The following CLDN10 variants were observed in gnomAD, a reference collection of about 807,000 sequenced individuals.
CLDN10 encodes claudin-10.
Under a neutral mutation model 22.9 loss-of-function variants are expected in CLDN10, and 15 were observed. The observed-to-expected ratio is 0.65, with a 90% CI of 0.44 to 1.01. CLDN10 has a LOEUF of 1.01. Among genes scored for constraint, CLDN10 ranks in the 50% least tolerant of loss-of-function variants. The pLI, the probability that CLDN10 is intolerant of heterozygous loss-of-function variation, is 0.00. For synonymous variants in CLDN10, 114 were observed against 111.4 expected (o/e 1.02, Z -0.15); for missense variants, 247 against 287.8 (o/e 0.86, Z 1.03).
At chr13:95,569,917 C>T (rs575960759) in intron 3 of CLDN10, among the ~76,000 whole-genome samples, 6 of 152,150 alleles carry the variant, frequency 3.9e-5, no homozygotes, top group Middle Eastern at 3.4e-3. Context: ...TACAGGCGCC[C>T]GCCACCGCGC....
At chr13:95,548,272 C>A (rs151086072), upstream of CLDN10, among the ~76,000 whole-genome samples, 5 of 152,300 alleles carry the variant, frequency 3.3e-5, no homozygotes, top group East Asian at 9.6e-4. Context: ...GGGCCCAAAC[C>A]TTACCCCTCC....
chr13:95,561,216 G>A (rs753119870), intron 3 of CLDN10, among the ~76,000 whole-genome samples: 4 of 152,094 alleles, frequency 2.6e-5, no homozygotes, highest in Non-Finnish European at 4.4e-5. Context: ...CCTCACGTAC[G>A]TGTGTGTGTA....
At chr13:95,468,669 T>A (rs1443871971) in intron 1 of CLDN10, among the ~76,000 whole-genome samples, 2 of 151,942 alleles carry the variant, frequency 1.3e-5, no homozygotes, top group Admixed American at 1.3e-4. Flanking sequence ...GAGGTTTCAG[T>A]GAGCCAAGAT....
intron 1 of CLDN10, among the ~76,000 whole-genome samples, chr13:95,461,426 C>A (rs1460339189): frequency 6.6e-6 from 1 of 152,168 alleles, no homozygotes; most frequent in African/African-American, 2.4e-5. Flanking sequence ...AGTCACTTTA[C>A]CTTTTTCCTT....
At chr13:95,490,621 C>T (rs188724586) in intron 1 of CLDN10, among the ~76,000 whole-genome samples, 2 of 152,254 alleles carry the variant, frequency 1.3e-5, no homozygotes, top group Admixed American at 1.3e-4. Context: ...TCCACTATGG[C>T]CTGACAGAGT....
At chr13:95,494,869 T>G (rs1465012676) in intron 1 of CLDN10, among the ~76,000 whole-genome samples, 1 of 152,090 alleles carries the variant, frequency 6.6e-6, no homozygotes, top group Non-Finnish European at 1.5e-5. Context: ...TGATGGCTTT[T>G]GTGTAATTTG....
chr13:95,500,660 C>T (rs1266710291), intron 1 of CLDN10, among the ~76,000 whole-genome samples: 1 of 152,122 alleles, frequency 6.6e-6, no homozygotes, highest in Non-Finnish European at 1.5e-5. Flanking sequence ...GAAGCAATTG[C>T]TGTGAGTAGG....
chr13:95,576,342 A>C (rs2043925440), intron 3 of CLDN10, among the ~76,000 whole-genome samples: 1 of 152,216 alleles, frequency 6.6e-6, no homozygotes, highest in African/African-American at 2.4e-5. Flanking sequence ...AAAAGCACCA[A>C]GATTTCTTTT....
exon 1 of CLDN10, chr13:95,433,834 A>G: frequency 1.2e-6 from 2 of 1,613,978 alleles, no homozygotes; most frequent in Non-Finnish European, 1.7e-6. Context: ...GCGGCGCGAC[A>G]TGTCCAGGGC....
chr13:95,542,513 C>T (rs2043469425), intron 1 of CLDN10, among the ~76,000 whole-genome samples: 1 of 152,180 alleles, frequency 6.6e-6, no homozygotes, highest in Admixed American at 6.5e-5. Context: ...ATGCTACATT[C>T]ACTAAATAAT....
At chr13:95,461,741 G>A (rs553150020) in intron 1 of CLDN10, among the ~76,000 whole-genome samples, 5 of 152,292 alleles carry the variant, frequency 3.3e-5, no homozygotes, top group African/African-American at 1.2e-4. Flanking sequence ...GATCCCACAA[G>A]TGCAAATGCT....
At chr13:95,473,973 G>A (rs570076281) in intron 1 of CLDN10, among the ~76,000 whole-genome samples, 5 of 152,260 alleles carry the variant, frequency 3.3e-5, no homozygotes, top group African/African-American at 9.6e-5. Context: ...ACCAGGGACC[G>A]GTTTCGTGGA....
At chr13:95,497,768 A>G (rs2042943754) in intron 1 of CLDN10, among the ~76,000 whole-genome samples, 1 of 152,218 alleles carries the variant, frequency 6.6e-6, no homozygotes, top group Non-Finnish European at 1.5e-5. Flanking sequence ...TTGCAGCCAA[A>G]GAGTAAGTTG....
At chr13:95,548,797 T>C (rs1280582677), upstream of CLDN10, among the ~76,000 whole-genome samples, 1 of 152,198 alleles carries the variant, frequency 6.6e-6, no homozygotes, top group African/African-American at 2.4e-5. Context: ...TCCCACCTGA[T>C]TAGCAGCACG....
intron 3 of CLDN10, among the ~76,000 whole-genome samples, chr13:95,564,464 A>T (rs1172807780): frequency 6.6e-6 from 1 of 152,248 alleles, no homozygotes; most frequent in Non-Finnish European, 1.5e-5. Flanking sequence ...GCGACTTGTC[A>T]CATGTTCTAG....
intron 1 of CLDN10, among the ~76,000 whole-genome samples, chr13:95,472,665 G>C (rs1186108169): frequency 1.7e-5 from 2 of 116,356 alleles, no homozygotes; most frequent in Middle Eastern, 5.5e-3. Context: ...GCGAGACTCC[G>C]TCTCAAAAAA....
upstream of CLDN10, chr13:95,552,713 A>T: frequency 3.2e-6 from 5 of 1,573,738 alleles, no homozygotes; most frequent in South Asian, 5.7e-5. Context: ...GTCGCGGCGC[A>T]GAGTGGGAGC....
chr13:95,445,885 T>C (rs1193604791), intron 1 of CLDN10, among the ~76,000 whole-genome samples: 1 of 152,212 alleles, frequency 6.6e-6, no homozygotes, highest in East Asian at 1.9e-4. Context: ...CCCCAACTAC[T>C]TTGTAGTCAA....
chr13:95,476,781 C>G (rs2042689668), intron 1 of CLDN10, among the ~76,000 whole-genome samples: 1 of 152,038 alleles, frequency 6.6e-6, no homozygotes, highest in Non-Finnish European at 1.5e-5. Flanking sequence ...AATAACAGGA[C>G]AGATGAAGTC....
Sources: gnomAD v4.1 joint callset for allele counts (sites outside exome capture counted in the v4.1 genomes callset) on GRCh38, gnomAD v4.1.1 for gene constraint, MANE v1.5 for transcripts, NCBI Gene and HGNC (gene_info 2026-07-23, HGNC 2026-07-21) for gene names.